The following KHNYN variants were observed in gnomAD, a reference collection of about 807,000 sequenced individuals.
The protein encoded by KHNYN is protein KHNYN.
In KHNYN, 42 loss-of-function variants were observed where a neutral mutation model predicts 62.7. The observed-to-expected ratio is 0.67, with a 90% confidence interval of 0.52 to 0.87. The LOEUF is 0.87. KHNYN is among the 40% of genes least tolerant of loss of function. The pLI, the probability that KHNYN is intolerant of heterozygous loss-of-function variation, is 0.00. For synonymous variants in KHNYN, 347 were observed against 345.6 expected, an observed-to-expected ratio of 1.00 and a Z score of -0.04; for missense variants, 829 against 874.1, an observed-to-expected ratio of 0.95 and a Z score of 0.65.
rs767908890 is a variant in KHNYN at position 24,433,024 on chromosome 14, T to G, written c.1569T>G (p.Tyr523Ter). 1.2e-6 allele frequency: 2 copies of G among 1,613,796 alleles called. No homozygotes were observed. Among genetic ancestry groups the G allele is most frequent in the Non-Finnish European group, 1.7e-6 (2 of 1,179,662 alleles). Reference protein sequence around the residue: ...RVMDGKRISSYDDRFMVKLAE... With the variant: ...RVMDGKRISS The stretch of plus-strand genomic sequence containing the variant: ...TGGATGGCAAGAGGATCTCCTCCTA[T>G]GATGACAGGTACTTGCTCCTCTCCT... Residue 523 changes from tyrosine to a stop codon, truncating the protein, a stop_gained, in exon 5 of 8, where the codon TAT becomes TAG. Coordinates refer to ENST00000553935, the MANE Select transcript of KHNYN (RefSeq NM_015299.3). LOFTEE classifies it high-confidence loss of function.
In KHNYN at chr14:24,432,933, T is replaced by C. The variant is rs369351983; in HGVS notation, c.1481-3T>C. The C allele has an allele frequency of 6.2e-7, 1 of 1,614,162 alleles. No individual in the cohort carries two copies. Among genetic ancestry groups the C allele is most frequent in the Non-Finnish European group, 8.5e-7 (1 of 1,180,000 alleles). On this transcript the variant is annotated splice_polypyrimidine_tract_variant and splice_region_variant and intron_variant, in intron 4 of 7. Transcript: ENST00000553935. The surrounding 1 kb of genome is among the most constrained non-coding windows in gnomAD (Gnocchi z 5.6). ...AGAACCCTATTATGTTCTTTTTCAA[T>C]AGAGAGTCACTTCCTGCAAAAGCTG...
In KHNYN at chr14:24,432,682, G is replaced by T; in HGVS notation, c.1350-40G>T. The T allele has an allele frequency of 6.2e-7, 1 of 1,613,942 alleles. No homozygotes were observed. Among genetic ancestry groups the T allele is most frequent in the Non-Finnish European group, 8.5e-7 (1 of 1,179,926 alleles). On this transcript the variant is annotated intron_variant, in intron 3 of 7. Coordinates refer to ENST00000553935, the MANE Select transcript of KHNYN (RefSeq NM_015299.3). This position sits in a 1 kb window ranked among gnomAD's most constrained non-coding sequence, Gnocchi z 5.6. Reference sequence around the variant, plus strand: ...CTGAGGGGCTGGCATTGTAGCCAGGGTGCCAAGCCCCTCCTCTGGCCGACC... The same window carrying T: ...CTGAGGGGCTGGCATTGTAGCCAGGTTGCCAAGCCCCTCCTCTGGCCGACC...
Position 24,440,260 on chromosome 14 carries a change from G to A in KHNYN, c.*2975G>A. 2 of 1,613,972 alleles carry A rather than the reference G, an allele frequency of 1.2e-6. No homozygotes were observed. Among genetic ancestry groups the A allele is most frequent in the East Asian group, 2.2e-5 (1 of 44,882 alleles). On this transcript the variant is annotated 3_prime_UTR_variant, in exon 8 of 8. Coordinates refer to ENST00000553935, the MANE Select transcript of KHNYN (RefSeq NM_015299.3). ...GAGGGATGAAGGCTCGGCGGCCCAG[G>A]GCAGCACCCAAGGTCTGGGCAAACT... is the stretch of plus-strand genomic sequence containing the variant.
intron 5 of KHNYN, 107 bp downstream of exon 5, chr14:24,433,139 G>C (rs1474953267): frequency 9.7e-7 from 1 of 1,029,208 alleles, no homozygotes; most frequent in Admixed American, 1.9e-5. Context: ...AAGCCTTGGT[G>C]GTGGGTAAGG....
rs1347483889 is a variant in KHNYN, at chr14:24,441,576, T to C, written c.*4291T>C. ...CAAGGGCCTAGGAAGTCATTTTGCC[T>C]GGAAAAGACCAGTGCTCTGGTGTGT... On this transcript the variant is annotated 3_prime_UTR_variant, in exon 8 of 8. Coordinates refer to ENST00000553935, the MANE Select transcript of KHNYN (RefSeq NM_015299.3). 1.0e-5 allele frequency: 11 copies of C among 1,063,396 alleles called. No homozygotes were observed. The highest frequency in any genetic ancestry group is 6.2e-5 in the Admixed American group (2 of 32,226). The allele number at this position is 1,063,396 out of a possible 1,614,324, so 65.9% of individuals were successfully genotyped here. A position where few individuals can be genotyped will look rare whatever the true frequency, so the allele number is the denominator to read the frequency against.
chr14:24,428,827 C>T (rs952513048), upstream of KHNYN: 19 of 1,612,714 alleles, frequency 1.2e-5, no homozygotes, highest in East Asian at 1.6e-4. Context: ...GGCTTCGGAC[C>T]GCAGCAAATG....
upstream of KHNYN, among the ~76,000 whole-genome samples, chr14:24,425,297 G>C (rs775515149): frequency 6.6e-5 from 10 of 152,314 alleles, no homozygotes; most frequent in Non-Finnish European, 1.2e-4. Context: ...GGCTGGACAT[G>C]GCTGCCTGGA....
intron 5 of KHNYN, chr14:24,435,694 A>G (rs181167480): frequency 6.3e-4 from 159 of 253,212 alleles, no homozygotes; most frequent in African/African-American, 3.3e-3. Flanking sequence ...GTGAAGGACT[A>G]TGGTTGGCAG....
At chr14:24,424,626 C>T (rs2043002993), upstream of KHNYN, among the ~76,000 whole-genome samples, 4 of 152,160 alleles carry the variant, frequency 2.6e-5, no homozygotes, top group Admixed American at 2.6e-4. Context: ...AGAGAACTTT[C>T]TACACTGAAG....
At chr14:24,427,317 G>T (rs1367832894), upstream of KHNYN, 2 of 185,036 alleles carry the variant, frequency 1.1e-5, no homozygotes, top group Admixed American at 5.5e-5. The surrounding 1 kb of genome is among the most constrained non-coding windows in gnomAD (Gnocchi z 4.4). Context: ...GCTTCTGACG[G>T]TGCTGGCTGA....
At position 24,432,535 on chromosome 14, in the gene KHNYN, C is replaced by T; in HGVS notation, c.1274C>T (p.Thr425Ile). 1 of 1,612,376 alleles carries T rather than the reference C, an allele frequency of 6.2e-7. No homozygotes were observed. The highest frequency in any genetic ancestry group is 2.2e-5 in the East Asian group (1 of 44,824). Residue 425 changes from threonine (T) to isoleucine (I), a missense_variant, in exon 3 of 8, where the codon ACC (threonine) becomes ATC (isoleucine). Coordinates refer to ENST00000553935, the MANE Select transcript of KHNYN (RefSeq NM_015299.3). This position sits in a 1 kb window ranked among gnomAD's most constrained non-coding sequence, Gnocchi z 5.6. ...RFKEALQDPF[T>I]LCLANVPGQP... ...AAGGAGGCCCTGCAGGATCCTTTCA[C>T]CCTGTGCCTTGCCAATGTGCCTGGC...
At position 24,438,486 on chromosome 14, in the gene KHNYN, TGAAA is replaced by T. The variant is rs1417963008; in HGVS notation, c.*1205_*1208del. 6.6e-6 allele frequency: 1 copy of T among 152,056 alleles called. No homozygotes were observed. The highest frequency in any genetic ancestry group is 1.5e-5 in the Non-Finnish European group (1 of 68,028). 9.4% of individuals were successfully genotyped at this position (152,056 alleles called of 1,614,324 possible). On this transcript the variant is annotated 3_prime_UTR_variant, in exon 8 of 8. Transcript: ENST00000553935. ...CTAGATGAACCAATTATCTGGAAAA[TGAAA>T]GAACCAGAGTTGGAAGGCACTTGAC...
At position 24,436,256 on chromosome 14, in the gene KHNYN, G is replaced by T. The variant is rs577301688; in HGVS notation, c.1685+77G>T. 4.4e-5 allele frequency: 65 copies of T among 1,469,342 alleles called. No homozygotes were observed. In the South Asian group the frequency reaches 6.4e-4, roughly 14 times the overall value. 91.0% of individuals were successfully genotyped at this position (1,469,342 alleles called of 1,614,324 possible). ...AAGCCAGCTCTGCTCTGGCCATGGG[G>T]TGAAAACTCTGGGAAGGAGGTGAAG... is the stretch of plus-strand genomic sequence containing the variant. On this transcript the variant is annotated intron_variant, in intron 6 of 7. Coordinates refer to ENST00000553935, the MANE Select transcript of KHNYN (RefSeq NM_015299.3).
Position 24,434,002 on chromosome 14 carries a change from T to C in KHNYN, c.1577+970T>C, listed in dbSNP as rs78839033. ...TCCAAACCATAGTGATTATATACTT[T>C]GTCTTTTCAAACACTTACCTTCTAT... is the stretch of plus-strand genomic sequence containing the variant. On this transcript the variant is annotated intron_variant, in intron 5 of 7. Transcript: ENST00000553935. 5 of 284,972 alleles carry C rather than the reference T, an allele frequency of 1.8e-5. No individual in the cohort carries two copies. In the Admixed American group the frequency reaches 1.9e-4, roughly 11 times the overall value. The allele number at this position is 284,972 out of a possible 1,614,324, so 17.7% of individuals were successfully genotyped here. A position where few individuals can be genotyped will look rare whatever the true frequency, so the allele number is the denominator to read the frequency against.
chr14:24,431,015 G>A (rs2043101843), intron 2 of KHNYN, 84 bp downstream of exon 2: 1 of 1,293,828 alleles, frequency 7.7e-7, no homozygotes, highest in Admixed American at 2.4e-5. Context: ...AGGAGAGCAG[G>A]GAAGAGGAGG....
In KHNYN at chr14:24,441,818, A is replaced by G; in HGVS notation, c.*4533A>G. The G allele has an allele frequency of 6.2e-7, 1 of 1,600,542 alleles. No individual in the cohort carries two copies. Among genetic ancestry groups the G allele is most frequent in the South Asian group, 1.1e-5 (1 of 88,846 alleles). ...CATCTGCAGGAGAAACATGGGAAAT[A>G]AAAAGCCACTAAATACATAAGTGCA... On this transcript the variant is annotated 3_prime_UTR_variant, in exon 8 of 8. Transcript: ENST00000553935.
chr14:24,430,231 C>G (rs1431683536), intron 1 of KHNYN, 112 bp downstream of exon 1: 13 of 857,092 alleles, frequency 1.5e-5, no homozygotes, highest in Middle Eastern at 5.8e-4. Context: ...CGGCCCGGCC[C>G]GGCCCCTGGG....
chr14:24,429,160 T>C (rs1160169517), upstream of KHNYN: 1 of 1,224,324 alleles, frequency 8.2e-7, no homozygotes, highest in Non-Finnish European at 1.1e-6. Context: ...GTCTGCCCTC[T>C]CTAGGCTCGC....
At chr14:24,427,958 A>T (rs1215096629), upstream of KHNYN, 11 of 1,613,570 alleles carry the variant, frequency 6.8e-6, no homozygotes, top group East Asian at 2.2e-5. The surrounding 1 kb of genome is among the most constrained non-coding windows in gnomAD (Gnocchi z 4.4). Context: ...GGCTGAGATG[A>T]CAGGCCACGT....
Sources: gnomAD v4.1 joint callset for allele counts (sites outside exome capture counted in the v4.1 genomes callset) on GRCh38, gnomAD v4.1.1 for gene constraint, Gnocchi (gnomAD v3.1) non-coding constraint, MANE v1.5 for transcripts, NCBI Gene and HGNC (gene_info 2026-07-23, HGNC 2026-07-21) for gene names.